The following NLRP12 variants were observed in gnomAD, a reference collection of about 807,000 sequenced individuals.
NLRP12 encodes NACHT, LRR and PYD domains-containing protein 12.
Under a neutral mutation model 91.2 loss-of-function variants are expected in NLRP12, and 108 were observed. The observed-to-expected ratio is 1.18, with a 90% CI of 1.01 to 1.39. The LOEUF is 1.39. Ranked by LOEUF, NLRP12 falls within the 40% of genes most tolerant of loss-of-function variation. The pLI, the probability that NLRP12 is intolerant of heterozygous loss-of-function variation, is 0.00. For synonymous variants in NLRP12, 613 were observed against 566.7 expected (o/e 1.08, Z -1.16); for missense variants, 1,530 against 1,352.7 (o/e 1.13, Z -2.06).
At chr19:53,800,911 T>G (rs1352255143) in intron 7 of NLRP12, among the ~76,000 whole-genome samples, 1 of 151,946 alleles carries the variant, frequency 6.6e-6, no homozygotes, top group Non-Finnish European at 1.5e-5. Flanking sequence ...AAGGCTGATG[T>G]AGGCTGGGTG....
At position 53,795,864 on chromosome 19, in the gene NLRP12, G is replaced by A; in HGVS notation, c.3093C>T (p.Val1031=). ...RLSHPGCKLR[V]LWLFGMDLNK... The stretch of plus-strand genomic sequence containing the variant: ...AACTGGTCATCATCCCTCACCAGAG[G>A]ACTCGGAGTTTGCAGCCAGGATGGC... The change falls in exon 9 of 10, where the codon GTC becomes GTT. Residue 1031 remains valine, a synonymous_variant. Coordinates refer to ENST00000324134, the MANE Select transcript of NLRP12 (RefSeq NM_144687.4). 1 of 1,613,964 alleles carries A rather than the reference G, an allele frequency of 6.2e-7. No homozygotes were observed. Among genetic ancestry groups the A allele is most frequent in the Non-Finnish European group, 8.5e-7 (1 of 1,179,874 alleles).
At chr19:53,797,741 A>ATTT (rs544319440) in intron 8 of NLRP12, among the ~76,000 whole-genome samples, 1 of 139,466 alleles carries the variant, frequency 7.2e-6, no homozygotes, top group Non-Finnish European at 1.5e-5. Context: ...TTAAATTTTA[A>ATTT]TTTTTTTTTT....
chr19:53,814,678 G>A (rs998375960), intron 2 of NLRP12, among the ~76,000 whole-genome samples: 7 of 152,142 alleles, frequency 4.6e-5, no homozygotes, highest in African/African-American at 1.4e-4. Flanking sequence ...GCCCCTGCGT[G>A]TATGAGATGG....
intron 1 of NLRP12, among the ~76,000 whole-genome samples, chr19:53,823,498 A>AAAATATTTTAAAACATAT (rs1568703260): frequency 5.1e-4 from 29 of 56,788 alleles, no homozygotes; most frequent in South Asian, 2.3e-3. Flanking sequence ...AAATATATTT[A>AAAATATTTTAAAACATAT]TTTAAAATAT....
At chr19:53,803,476 G>GACCTGTGGAT (rs1568665169) in intron 6 of NLRP12, among the ~76,000 whole-genome samples, 4 of 151,368 alleles carry the variant, frequency 2.6e-5, no homozygotes, top group African/African-American at 9.7e-5. Context: ...TACCGCACCC[G>GACCTGTGGAT]GCCCATCTCT....
In NLRP12 at chr19:53,795,936, G is replaced by C; in HGVS notation, c.3021C>G (p.Asn1007Lys). The C allele has an allele frequency of 6.2e-7, 1 of 1,614,170 alleles. No homozygotes were observed. The highest frequency in any genetic ancestry group is 8.5e-7 in the Non-Finnish European group (1 of 1,180,020). ...GGACACCTGTGTCCCCTAGGGCGTT[G>C]TTGGTCAGGTAAAGGTCGGTCAAGG... The part of the protein sequence containing the change: ...NQTLTDLYLT[N>K]NALGDTGVRL... The change falls in exon 9 of 10, where the codon AAC becomes AAG. Residue 1007 changes from asparagine (N) to lysine (K), a missense_variant. Transcript: ENST00000324134.
At chr19:53,802,535 G>A (rs901340808) in intron 6 of NLRP12, among the ~76,000 whole-genome samples, 5 of 151,736 alleles carry the variant, frequency 3.3e-5, no homozygotes, top group Admixed American at 1.3e-4. Context: ...GTGAAACCCC[G>A]TCTCTACTAA....
Position 53,805,103 on chromosome 19 carries a change from G to A in NLRP12, c.2414+177C>T, listed in dbSNP as rs571120304. Among the ~76,000 whole-genome samples, 12 of 152,282 alleles carry A rather than the reference G, an allele frequency of 7.9e-5. 1 individual carries two copies. In the South Asian group the frequency reaches 1.7e-3, roughly 21 times the overall value. ...TGTAGAATTGAGTGTGGAGTCAGAGGAGGGCAGAAGCAGGTCTTCCAAAGT... is the reference window on the plus strand; with the variant it reads ...TGTAGAATTGAGTGTGGAGTCAGAGAAGGGCAGAAGCAGGTCTTCCAAAGT... On this transcript the variant is annotated intron_variant, in intron 5 of 9. Coordinates refer to ENST00000324134, the MANE Select transcript of NLRP12 (RefSeq NM_144687.4).
At chr19:53,815,169 A>G (rs1599854224) in intron 1 of NLRP12, among the ~76,000 whole-genome samples, 181 bp from the exon 2 acceptor site, 2 of 133,836 alleles carry the variant, frequency 1.5e-5, no homozygotes. Flanking sequence ...CTTGTAGCGC[A>G]CCCTCCTCCC....
chr19:53,811,604 C>T (rs1306715383), intron 2 of NLRP12, among the ~76,000 whole-genome samples: 2 of 149,552 alleles, frequency 1.3e-5, no homozygotes, highest in African/African-American at 4.9e-5. Context: ...GATGGAGTCT[C>T]GCTCTGTTGC....
rs1351675791 is a variant in NLRP12 at position 53,819,437 on chromosome 19, ATATATATATATATATATATATG to A, written c.289+4427_289+4448del. Among the ~76,000 whole-genome samples the A allele has an allele frequency of 8.3e-4, 19 of 22,918 alleles. 4 individuals carry two copies. Among genetic ancestry groups the A allele is most frequent in the African/African-American group, 2.2e-3 (16 of 7,170 alleles). The allele number at this position is 22,918 out of a possible 152,430, so 15.0% of individuals were successfully genotyped here. ...TATATATATATATATATATATATAT[ATATATATATATATATATATATG>A]TGTGTGTGTGTGTGTGTGTGTGTGT... is the stretch of plus-strand genomic sequence containing the variant. On this transcript the variant is annotated intron_variant, in intron 1 of 9. Coordinates refer to ENST00000324134, the MANE Select transcript of NLRP12 (RefSeq NM_144687.4).
intron 2 of NLRP12, among the ~76,000 whole-genome samples, chr19:53,812,412 CAAAAAAA>C (rs59986011): frequency 8.4e-6 from 1 of 118,532 alleles, no homozygotes; most frequent in Non-Finnish European, 1.8e-5. Context: ...GACTCTGCCT[CAAAAAAA>C]AAAAAAAAAA....
At position 53,809,850 on chromosome 19, in the gene NLRP12, G is replaced by A. The variant is rs2092031971; in HGVS notation, c.1809C>T (p.Gly603=). Residue 603 remains glycine, a synonymous_variant, in exon 3 of 10, where the codon GGC becomes GGT. Transcript: ENST00000324134. ...CCAAGGAGCCCTGCTGCAGGGTGGA[G>A]CCGTCGCTCTGAGCTTTGCTTTGGA... ...QWIQSKAQSD[G]STLQQGSLEF... 18 of 1,614,118 alleles carry A rather than the reference G, an allele frequency of 1.1e-5. No individual in the cohort carries two copies. Among genetic ancestry groups the A allele is most frequent in the Non-Finnish European group, 1.5e-5 (18 of 1,180,032 alleles).
In NLRP12 at chr19:53,809,693, G is replaced by T; in HGVS notation, c.1966C>A (p.Arg656Ser). The part of the protein sequence containing the change: ...EHMVSSFCLK[R>S]CRSAQVLHLY... ...TGCAGCACCTGGGCGCTCCTGCAGC[G>T]CTTCAGACAGAACGAGGAGACCATG... Residue 656 changes from arginine (R) to serine (S), a missense_variant, in exon 3 of 10, where the codon CGC (arginine) becomes AGC (serine). Arg to Ser is a moderately radical substitution (Grantham distance 110). Coordinates refer to ENST00000324134, the MANE Select transcript of NLRP12 (RefSeq NM_144687.4). 1 of 1,614,082 alleles carries T rather than the reference G, an allele frequency of 6.2e-7. No individual in the cohort carries two copies. The highest frequency in any genetic ancestry group is 8.5e-7 in the Non-Finnish European group (1 of 1,180,008).
chr19:53,820,489 C>T (rs1321305659), intron 1 of NLRP12, among the ~76,000 whole-genome samples: 2 of 150,820 alleles, frequency 1.3e-5, no homozygotes, highest in African/African-American at 2.4e-5. Context: ...AAGATTGTGC[C>T]ACTGCACTCC....
rs1160039078 is a variant in NLRP12, at chr19:53,813,299, C to CTTTTTTTT, written c.370+1601_370+1608dup. ...TGCTATTCTTTTTTTTTTTTCTTTTCTTTTTTTTTTTTTTTTTTTTTGAGA... is the reference window on the plus strand; with the variant it reads ...TGCTATTCTTTTTTTTTTTTCTTTTCTTTTTTTTTTTTTTTTTTTTTTTTTTTTTGAGA... On this transcript the variant is annotated intron_variant, in intron 2 of 9. Coordinates refer to ENST00000324134, the MANE Select transcript of NLRP12 (RefSeq NM_144687.4). Among the ~76,000 whole-genome samples the CTTTTTTTT allele has an allele frequency of 9.3e-4, 80 of 86,004 alleles. 1 individual carries two copies. Among genetic ancestry groups the CTTTTTTTT allele is most frequent in the Non-Finnish European group, 1.2e-3 (53 of 45,518 alleles). 56.4% of individuals were successfully genotyped at this position (86,004 alleles called of 152,430 possible). A position where few individuals can be genotyped will look rare whatever the true frequency, so the allele number is the denominator to read the frequency against.
At chr19:53,803,858 G>A in intron 6 of NLRP12, 94 bp downstream of exon 6, 1 of 1,276,760 alleles carries the variant, frequency 7.8e-7, no homozygotes, top group Non-Finnish European at 1.1e-6. Flanking sequence ...ACAGGCGTGA[G>A]CCACTGCGCC....
At chr19:53,794,262 G>A (rs952157868) in intron 9 of NLRP12, 126 bp from the exon 10 acceptor site, 16 of 759,912 alleles carry the variant, frequency 2.1e-5, no homozygotes, top group Admixed American at 2.0e-4. Flanking sequence ...TCCACCCAAC[G>A]CTGCTGGAAA....
chr19:53,793,677 C>T (rs879479440), downstream of NLRP12: 5 of 321,766 alleles, frequency 1.6e-5, no homozygotes, highest in Admixed American at 4.2e-5. Context: ...CTCCACCTCC[C>T]GGGTTCAAGC....
Sources: gnomAD v4.1 joint callset for allele counts (sites outside exome capture counted in the v4.1 genomes callset) on GRCh38, gnomAD v4.1.1 for gene constraint, MANE v1.5 for transcripts, NCBI Gene and HGNC (gene_info 2026-07-23, HGNC 2026-07-21) for gene names.